Variants in TBX3 observed in about 807,000 individuals in gnomAD.
The protein encoded by TBX3 is T-box transcription factor TBX3.
TBX3 carries 11 observed loss-of-function variants against 47.8 expected under a neutral mutation model. The observed-to-expected ratio is 0.23, with a 90% confidence interval of 0.14 to 0.38. The LOEUF (loss-of-function observed/expected upper bound fraction) is 0.38. Among genes scored for constraint, TBX3 ranks in the 10% least tolerant of loss-of-function variants. TBX3 has a pLI of 1.00. For missense variants in TBX3, 927 were observed against 1,022.8 expected, an observed-to-expected ratio of 0.91 and a Z score of 1.28; for synonymous variants, 500 against 449.3, an observed-to-expected ratio of 1.11 and a Z score of -1.43.
rs1279373184 is a variant in TBX3 at position 114,674,447 on chromosome 12, G to T, written c.1428C>A (p.Gly476=). 6.5e-7 allele frequency: 1 copy of T among 1,546,494 alleles called. No individual in the cohort carries two copies. The highest frequency in any genetic ancestry group is 1.2e-5 in the South Asian group (1 of 83,860). Residue 476 remains glycine, a synonymous_variant, in exon 6 of 7, where the codon GGC becomes GGA. Transcript: ENST00000349155. ...GGGCGAAGCCGAGGCCAGGCAGGGGGCCCTGGGCCAGGTGCGCGGCGGCCG... is the reference window on the plus strand; with the variant it reads ...GGGCGAAGCCGAGGCCAGGCAGGGGTCCCTGGGCCAGGTGCGCGGCGGCCG... ...TDAAAAHLAQ[G]PLPGLGFAPG...
At chr12:114,676,897 T>G (rs1201936940) in intron 4 of TBX3, among the ~76,000 whole-genome samples, 1 of 152,240 alleles carries the variant, frequency 6.6e-6, no homozygotes, top group Non-Finnish European at 1.5e-5. Flanking sequence ...ACCCAAATTT[T>G]GGATGGTGGC....
chr12:114,674,963 CT>C, intron 5 of TBX3, 128 bp from the exon 6 acceptor site: 2 of 1,227,926 alleles, frequency 1.6e-6, no homozygotes, highest in Non-Finnish European at 2.3e-6. Flanking sequence ...GGGAAAGCCC[CT>C]TAGCCTCTCT....
intron 3 of TBX3, among the ~76,000 whole-genome samples, chr12:114,678,054 ACACTC>A (rs1464323917): frequency 1.3e-5 from 2 of 150,664 alleles, no homozygotes; most frequent in East Asian, 3.9e-4. Flanking sequence ...ACACACACAC[ACACTC>A]CTTTTCCATG....
intron 6 of TBX3, among the ~76,000 whole-genome samples, chr12:114,673,167 C>A (rs554705659): frequency 2.0e-5 from 3 of 152,180 alleles, no homozygotes; most frequent in Non-Finnish European, 4.4e-5. Context: ...CAGGGTCTCC[C>A]GGAGAAGCCA....
In TBX3 at chr12:114,674,808, T is replaced by A. The variant is rs1483156589; in HGVS notation, c.1067A>T (p.Asp356Val). Residue 356 changes from aspartate (D) to valine (V), a missense_variant, in exon 6 of 7, where the codon GAC becomes GTC. Around this residue, in one of 5 missense-constraint regions of TBX3, gnomAD observed 623 missense variants for 569.0 expected, o/e 1.09. Coordinates refer to ENST00000349155, the MANE Select transcript of TBX3 (RefSeq NM_005996.4). The stretch of plus-strand genomic sequence containing the variant: ...CTCCTCTTTGCTCTCGGCCTCGGCG[T>A]CGCTCTCACCCTCGCTGGGACATAA... ...KDLCPSEGES[D>V]AEAESKEEHG... 1 of 1,578,422 alleles carries A rather than the reference T, an allele frequency of 6.3e-7. No homozygotes were observed. Among genetic ancestry groups the A allele is most frequent in the South Asian group, 1.1e-5 (1 of 87,122 alleles).
intron 1 of TBX3, among the ~76,000 whole-genome samples, chr12:114,682,594 C>T (rs1208295560): frequency 6.6e-6 from 1 of 151,944 alleles, no homozygotes; most frequent in East Asian, 1.9e-4. Context: ...GGGAGGGAAC[C>T]CAGGATGCAG....
At chr12:114,675,937 C>T (rs1294082830) in intron 5 of TBX3, among the ~76,000 whole-genome samples, 4 of 152,104 alleles carry the variant, frequency 2.6e-5, no homozygotes, top group Non-Finnish European at 5.9e-5. Context: ...AGTGAAAAGT[C>T]AGCAGTTGGA....
In TBX3 at chr12:114,676,370, A is replaced by G. The variant is rs369381057; in HGVS notation, c.982T>C (p.Cys328Arg). 26 of 1,614,122 alleles carry G rather than the reference A, an allele frequency of 1.6e-5. No individual in the cohort carries two copies. Among genetic ancestry groups the G allele is most frequent in the Non-Finnish European group, 2.1e-5 (25 of 1,180,056 alleles). The change falls in exon 5 of 7, where the codon TGC becomes CGC. Residue 328 changes from cysteine to arginine, a missense_variant. Physicochemically the swap from Cys to Arg is radical, Grantham distance 180. Coordinates refer to ENST00000349155, the MANE Select transcript of TBX3 (RefSeq NM_005996.4). ...GCTGGAGAAGAAGCCTGGGCGAAGC[A>G]GTTGAAAGCTGCTTGTTCACTGGAG... ...ESSSEQAAFN[C>R]FAQASSPAAS...
chr12:114,681,179 A>C, intron 1 of TBX3, 33 bp from the exon 2 acceptor site: 3 of 1,613,084 alleles, frequency 1.9e-6, no homozygotes, highest in Non-Finnish European at 2.5e-6. Context: ...AGAAAAAGAA[A>C]GATAAACCAC....
At chr12:114,677,689 T>A in intron 3 of TBX3, 33 bp from the exon 4 acceptor site, 1 of 1,599,616 alleles carries the variant, frequency 6.3e-7, no homozygotes, top group Non-Finnish European at 8.6e-7. Context: ...GACAGAGACA[T>A]TGTTCTCATT....
chr12:114,677,963 T>C (rs954630378), intron 3 of TBX3, among the ~76,000 whole-genome samples: 2 of 152,076 alleles, frequency 1.3e-5, no homozygotes, highest in Non-Finnish European at 2.9e-5. Context: ...CTTAAAATTA[T>C]GCTTTCATTT....
At position 114,671,582 on chromosome 12, in the gene TBX3, A is replaced by C; in HGVS notation, c.*259T>G. On this transcript the variant is annotated 3_prime_UTR_variant, in exon 7 of 7. Transcript: ENST00000349155. ...AAGTTGCTCTGGACATAAATGTTGG[A>C]ACTCCTACCCCCAGTAGCTCAATGC... is the stretch of plus-strand genomic sequence containing the variant. 1 of 570,592 alleles carries C rather than the reference A, an allele frequency of 1.8e-6. No individual in the cohort carries two copies. Among genetic ancestry groups the C allele is most frequent in the Non-Finnish European group, 3.1e-6 (1 of 319,520 alleles). The allele number at this position is 570,592 out of a possible 1,614,324, so 35.3% of individuals were successfully genotyped here.
chr12:114,671,395 C>G lies in TBX3; in HGVS notation c.*446G>C. The G allele has an allele frequency of 3.7e-6, 1 of 267,998 alleles. No homozygotes were observed. 16.6% of individuals were successfully genotyped at this position (267,998 alleles called of 1,614,324 possible). On this transcript the variant is annotated 3_prime_UTR_variant, in exon 7 of 7. Transcript: ENST00000349155. ...AGTTTTTAATCTGCACAAACAGAAT[C>G]ATGTTAATGTGTTCACTTGTCCCGA...
At position 114,674,234 on chromosome 12, in the gene TBX3, C is replaced by A; in HGVS notation, c.1641G>T (p.Ala547=). 1.9e-6 allele frequency: 3 copies of A among 1,575,462 alleles called. No homozygotes were observed. Among genetic ancestry groups the A allele is most frequent in the Non-Finnish European group, 2.6e-6 (3 of 1,161,292 alleles). ...CCGCGGACGCCCCGGACAGTCCCTG[C>A]GCCGCAGCGGCAGAGGCCATGGCCG... ...DSTAMASAAA[A]QGLSGASAAT... Residue 547 remains alanine (A), a synonymous_variant, in exon 6 of 7, where the codon GCG becomes GCT. Coordinates refer to ENST00000349155, the MANE Select transcript of TBX3 (RefSeq NM_005996.4).
intron 5 of TBX3, 128 bp downstream of exon 5, chr12:114,676,185 G>A (rs558666839): frequency 2.9e-5 from 36 of 1,241,272 alleles, no homozygotes; most frequent in Non-Finnish European, 4.1e-5. Context: ...TCTGGCTTCT[G>A]TTTAAGGATG....
rs538722562 is a variant in TBX3, at chr12:114,673,373, C to T, written c.1710+792G>A. ...TCATCGAGTTCAGGGTGTTTCCAGC[C>T]GCCTGAGACCTCCCCCCAGCACAGC... On this transcript the variant is annotated intron_variant, in intron 6 of 6. Transcript: ENST00000349155. Among the ~76,000 whole-genome samples, 12 of 152,314 alleles carry T rather than the reference C, an allele frequency of 7.9e-5. No homozygotes were observed. In the South Asian group the frequency reaches 1.5e-3, roughly 18 times the overall value.
rs1458461555 is a variant in TBX3, at chr12:114,674,363, C to G, written c.1512G>C (p.Gln504His). The change falls in exon 6 of 7, where the codon CAG (glutamine) becomes CAC (histidine). Residue 504 changes from glutamine (Q) to histidine (H), a missense_variant. Transcript: ENST00000349155. ...TGGAGAAGGCGCCCCCCATGGCAAA[C>G]TGGCTGGGGTGCAGGAAGAGCGGGT... ...NGHPLFLHPSQFAMGGAFSSM... is the reference protein window; with the variant it reads ...NGHPLFLHPSHFAMGGAFSSM... 3.2e-6 allele frequency: 5 copies of G among 1,555,404 alleles called. No individual in the cohort carries two copies. Among genetic ancestry groups the G allele is most frequent in the Admixed American group, 1.9e-5 (1 of 51,684 alleles).
chr12:114,672,766 G>T (rs567223), intron 6 of TBX3, among the ~76,000 whole-genome samples: 83,260 of 151,742 alleles, frequency 0.55, 22,956 homozygotes, highest in Middle Eastern at 0.61. Context: ...ACATAAATTA[G>T]TAGGAATAAT....
At chr12:114,682,744 G>A (rs1180899863) in intron 1 of TBX3, 68 bp downstream of exon 1, 6 of 1,610,708 alleles carry the variant, frequency 3.7e-6, no homozygotes, top group Non-Finnish European at 4.2e-6. Context: ...CGACTGTTCT[G>A]GGAGCAGAGA....
Sources: allele counts gnomAD v4.1 joint callset (sites outside exome capture counted in the v4.1 genomes callset), GRCh38; gene constraint gnomAD v4.1.1; regional missense constraint gnomAD v4.1.1; transcripts MANE v1.5; gene names NCBI Gene and HGNC (gene_info 2026-07-23, HGNC 2026-07-21).